The following TMEM71 variants were observed in gnomAD, a reference collection of about 807,000 sequenced individuals.
The protein encoded by TMEM71 is transmembrane protein 71.
TMEM71 carries 44 observed loss-of-function variants against 38.0 expected under a neutral mutation model. That is an observed-to-expected ratio of 1.16 (90% CI 0.91 to 1.49). The LOEUF (loss-of-function observed/expected upper bound fraction) is 1.49. TMEM71 is among the 40% of genes most tolerant of loss of function. The pLI, the probability that TMEM71 is intolerant of heterozygous loss-of-function variation, is 0.00. For missense variants in TMEM71, 367 were observed against 348.6 expected, an observed-to-expected ratio of 1.05 and a Z score of -0.42; for synonymous variants, 133 against 122.5, an observed-to-expected ratio of 1.09 and a Z score of -0.56.
chr8:132,741,679 TA>T (rs1394740260), intron 5 of TMEM71, among the ~76,000 whole-genome samples: 6 of 152,086 alleles, frequency 3.9e-5, no homozygotes, highest in Non-Finnish European at 8.8e-5. Context: ...GTACCTTCAC[TA>T]ATTTACTACT....
the TMEM71 span, among the ~76,000 whole-genome samples, chr8:132,774,444 T>C: frequency 6.6e-6 from 1 of 152,262 alleles, no homozygotes; most frequent in Non-Finnish European, 1.5e-5. Flanking sequence ...GCTGAATGAA[T>C]GTTTGTTGAA....
the TMEM71 span, among the ~76,000 whole-genome samples, chr8:132,765,955 G>C: frequency 1.3e-5 from 2 of 151,582 alleles, no homozygotes; most frequent in South Asian, 4.2e-4. Context: ...GCTAATTTTT[G>C]TATCTTTTAG....
At chr8:132,749,201 T>C (rs1411287532) in intron 4 of TMEM71, among the ~76,000 whole-genome samples, 5 of 152,142 alleles carry the variant, frequency 3.3e-5, no homozygotes, top group African/African-American at 1.2e-4. Context: ...GCCTGGGGAA[T>C]GTACTGGAAG....
intron 3 of TMEM71, among the ~76,000 whole-genome samples, chr8:132,754,142 G>A (rs921893269): frequency 6.6e-6 from 1 of 152,014 alleles, no homozygotes; most frequent in African/African-American, 2.4e-5. Context: ...TCTGCCCAAG[G>A]GATATAGGGA....
intron 7 of TMEM71, among the ~76,000 whole-genome samples, chr8:132,721,147 G>C (rs1826819796): frequency 6.6e-6 from 1 of 152,210 alleles, no homozygotes; most frequent in African/African-American, 2.4e-5. Context: ...AGGATTCTAA[G>C]AGGCAGAGTG....
intron 7 of TMEM71, among the ~76,000 whole-genome samples, chr8:132,716,920 T>C (rs1208040432): frequency 6.6e-6 from 1 of 152,192 alleles, no homozygotes; most frequent in African/African-American, 2.4e-5. Flanking sequence ...GTTGTTTCTA[T>C]TTTTGCTATT....
chr8:132,762,567 T>C (rs145353620), upstream of TMEM71, among the ~76,000 whole-genome samples: 1 of 152,338 alleles, frequency 6.6e-6, no homozygotes, highest in East Asian at 1.9e-4. Context: ...GCTTACTATG[T>C]ACCAGGCACT....
rs568555337 is a variant in TMEM71 at position 132,722,129 on chromosome 8, C to T, written c.677-14G>A. On this transcript the variant is annotated splice_polypyrimidine_tract_variant and intron_variant, in intron 6 of 9. Transcript: ENST00000677595. Reference sequence around the variant, plus strand: ...ACAACCTGGTTTCTAATAGGAAGAACAAAAACAAATAAATTAGAAATCATT... The same window carrying T: ...ACAACCTGGTTTCTAATAGGAAGAATAAAAACAAATAAATTAGAAATCATT... 56 of 1,571,042 alleles carry T rather than the reference C, an allele frequency of 3.6e-5. No homozygotes were observed. In the East Asian group the frequency reaches 8.5e-4, roughly 24 times the overall value.
intron 9 of TMEM71, 123 bp downstream of exon 9, chr8:132,713,872 T>A: frequency 3.3e-6 from 3 of 922,928 alleles, no homozygotes; most frequent in Non-Finnish European, 5.1e-6. Context: ...GAAAGTAGTC[T>A]TCAGGACGAA....
chr8:132,724,502 G>T (rs535610074), intron 6 of TMEM71, among the ~76,000 whole-genome samples: 4 of 152,004 alleles, frequency 2.6e-5, no homozygotes, highest in Admixed American at 6.5e-5. Flanking sequence ...GTTTTTGCCC[G>T]ACCCCGCAGG....
chr8:132,766,512 G>T, the TMEM71 span, among the ~76,000 whole-genome samples: 19,222 of 152,060 alleles, frequency 0.13, 1,629 homozygotes, highest in East Asian at 0.19. Flanking sequence ...AAAAAATGCT[G>T]TATTCAGCTA....
chr8:132,772,691 C>G, the TMEM71 span, among the ~76,000 whole-genome samples: 3 of 152,012 alleles, frequency 2.0e-5, no homozygotes, highest in Non-Finnish European at 4.4e-5. Flanking sequence ...ACTTAAAAAT[C>G]AATATGACTA....
chr8:132,742,191 T>A (rs532531962), intron 5 of TMEM71, among the ~76,000 whole-genome samples: 3 of 152,272 alleles, frequency 2.0e-5, no homozygotes, highest in Non-Finnish European at 4.4e-5. Flanking sequence ...ATTAATGATA[T>A]TCATATATAA....
At chr8:132,735,403 A>G (rs1049818994) in intron 5 of TMEM71, among the ~76,000 whole-genome samples, 1 of 152,192 alleles carries the variant, frequency 6.6e-6, no homozygotes, top group African/African-American at 2.4e-5. Context: ...TTTCTTCTGG[A>G]GTCTTCTAAC....
chr8:132,715,409 CAAAAAAAAAAA>C (rs975995287), intron 7 of TMEM71, among the ~76,000 whole-genome samples: 3 of 21,564 alleles, frequency 1.4e-4, no homozygotes, highest in Non-Finnish European at 3.3e-4. Context: ...GACTCCGTCT[CAAAAAAAAAAA>C]AAAAAAAAAA....
Position 132,757,262 on chromosome 8 carries a change from C to T in TMEM71, c.73G>A (p.Glu25Lys). 8.1e-6 allele frequency: 13 copies of T among 1,611,320 alleles called. No individual in the cohort carries two copies. Among genetic ancestry groups the T allele is most frequent in the Non-Finnish European group, 1.1e-5 (13 of 1,178,190 alleles). The change falls in exon 3 of 10, where the codon GAG (glutamate) becomes AAG (lysine). Residue 25 changes from glutamate (E) to lysine (K), a missense_variant. Transcript: ENST00000677595. ...SSRLEREYAG[E>K]LSPTCIFPSF... ...GGGAAAATGCACGTGGGAGACAGCT[C>T]TCCAGCATATTCTCTTTCCAACCTG...
At chr8:132,766,782 C>T in the TMEM71 span, among the ~76,000 whole-genome samples, 4 of 90,126 alleles carry the variant, frequency 4.4e-5, no homozygotes, top group East Asian at 6.3e-4. Context: ...AAGACTCTGT[C>T]TAAAAAAAAA....
chr8:132,739,641 T>C (rs1827935379), intron 5 of TMEM71, among the ~76,000 whole-genome samples: 1 of 152,168 alleles, frequency 6.6e-6, no homozygotes, highest in African/African-American at 2.4e-5. Flanking sequence ...CTAAATTAAC[T>C]TGGGCGAGTT....
At position 132,740,754 on chromosome 8, in the gene TMEM71, A is replaced by G. The variant is rs535687625; in HGVS notation, c.487+6188T>C. On this transcript the variant is annotated intron_variant, in intron 5 of 9. Transcript: ENST00000677595. ...GCCACACGGACCTTTGAAAAGTGCCATTGCACAGGGCTTCTTGCTCCCGAG... is the reference window on the plus strand; with the variant it reads ...GCCACACGGACCTTTGAAAAGTGCCGTTGCACAGGGCTTCTTGCTCCCGAG... Among the ~76,000 whole-genome samples the G allele has an allele frequency of 3.9e-5, 6 of 152,340 alleles. No homozygotes were observed. The South Asian group carries it at 1.2e-3, about 32-fold the overall frequency.
Sources: allele counts gnomAD v4.1 joint callset (sites outside exome capture counted in the v4.1 genomes callset), GRCh38; gene constraint gnomAD v4.1.1; transcripts MANE v1.5; gene names NCBI Gene and HGNC (gene_info 2026-07-23, HGNC 2026-07-21).